RBFOX1: variants seen among roughly 807,000 people sequenced by gnomAD.
RBFOX1 encodes the protein RNA binding protein fox-1 homolog 1.
RBFOX1 carries 8 observed loss-of-function variants against 57.7 expected under a neutral mutation model. The ratio of observed to expected loss-of-function variants is 0.14; its 90% confidence interval spans 0.08 to 0.25. The LOEUF (loss-of-function observed/expected upper bound fraction) is 0.25. Among genes scored for constraint, RBFOX1 ranks in the 10% least tolerant of loss-of-function variants. The pLI, the probability that RBFOX1 is intolerant of heterozygous loss-of-function variation, is 1.00. For missense variants in RBFOX1, 611 were observed against 548.5 expected (o/e 1.11, Z -1.14); for synonymous variants, 326 against 222.4 (o/e 1.47, Z -4.15).
intron 4 of RBFOX1, among the ~76,000 whole-genome samples, chr16:7,424,734 G>C (rs1163617024): frequency 6.6e-6 from 1 of 152,062 alleles, no homozygotes; most frequent in Admixed American, 6.5e-5. Flanking sequence ...TGACAGTTTG[G>C]GATCATAGTA....
intron 1 of RBFOX1, among the ~76,000 whole-genome samples, 179 bp downstream of exon 1, chr16:6,020,171 C>G (rs922067938): frequency 3.9e-5 from 6 of 151,972 alleles, no homozygotes; most frequent in Admixed American, 2.0e-4. Flanking sequence ...CGTGTCCCCC[C>G]CTACCCCCAG....
At chr16:5,720,807 A>C (rs74330235) in intron 3 of RBFOX1, among the ~76,000 whole-genome samples, 2,667 of 152,332 alleles carry the variant, frequency 0.018, 91 homozygotes, top group African/African-American at 0.06. Context: ...TTCTTAGGCT[A>C]GTACCATACT....
intron 3 of RBFOX1, among the ~76,000 whole-genome samples, chr16:5,702,984 A>G (rs954641188): frequency 1.7e-4 from 26 of 152,324 alleles, no homozygotes; most frequent in Admixed American, 1.2e-3. Context: ...CATGTACATC[A>G]TGATGTCTCT....
At chr16:6,973,632 AT>A (rs528444771) in intron 3 of RBFOX1, among the ~76,000 whole-genome samples, 1 of 151,968 alleles carries the variant, frequency 6.6e-6, no homozygotes. Flanking sequence ...TCAAAGAAAC[AT>A]TTTTTTTAAA....
chr16:6,239,563 A>G (rs1598700051), intron 1 of RBFOX1, among the ~76,000 whole-genome samples: 1 of 127,282 alleles, frequency 7.9e-6, no homozygotes, highest in East Asian at 2.7e-4. Flanking sequence ...CAGTGGCACA[A>G]CCTCGGCTTA....
At chr16:7,473,180 AC>A (rs767856752) in intron 4 of RBFOX1, among the ~76,000 whole-genome samples, 38 of 152,140 alleles carry the variant, frequency 2.5e-4, no homozygotes, top group Admixed American at 2.6e-4. Flanking sequence ...GGAGTTTGAG[AC>A]CAGCCTGGGA....
At chr16:5,406,990 C>T (rs529341641) in intron 1 of RBFOX1, among the ~76,000 whole-genome samples, 1 of 152,168 alleles carries the variant, frequency 6.6e-6, no homozygotes, top group African/African-American at 2.4e-5. Flanking sequence ...CACTTTCACA[C>T]TGCTATATAA....
rs142956317 is a variant in RBFOX1 at position 6,475,048 on chromosome 16, C to T, written c.-64+157991C>T. 1.2e-3 allele frequency among the ~76,000 whole-genome samples: 188 copies of T among 152,218 alleles called. 1 individual carries two copies. Among genetic ancestry groups the T allele is most frequent in the African/African-American group, 4.3e-3 (178 of 41,542 alleles). ...TGAAGGCAGCTTATACAGTAACATC[C>T]CAATTGTGTGCTTATAATGTTTTAG... is the stretch of plus-strand genomic sequence containing the variant. On this transcript the variant is annotated intron_variant, in intron 2 of 15. Transcript: ENST00000550418.
intron 1 of RBFOX1, among the ~76,000 whole-genome samples, chr16:6,206,172 C>T (rs1034831989): frequency 5.3e-4 from 80 of 152,150 alleles, no homozygotes; most frequent in Non-Finnish European, 1.8e-4. Context: ...AGCCTCCTCT[C>T]TTGCCTCTCT....
chr16:7,270,802 A>G lies in RBFOX1; in HGVS notation c.27+218704A>G, dbSNP rs976605370. ...TGGCTAGCTCTCTTCTTCCTTCCCTATCAACTTTCCCCGCTTTCTCCCTTT... is the reference window on the plus strand; with the variant it reads ...TGGCTAGCTCTCTTCTTCCTTCCCTGTCAACTTTCCCCGCTTTCTCCCTTT... On this transcript the variant is annotated intron_variant, in intron 4 of 15. Transcript: ENST00000550418. 2.6e-5 allele frequency among the ~76,000 whole-genome samples: 4 copies of G among 152,104 alleles called. No homozygotes were observed. In the East Asian group the frequency reaches 5.8e-4, roughly 22 times the overall value.
intron 2 of RBFOX1, among the ~76,000 whole-genome samples, chr16:6,453,077 G>C (rs374284307): frequency 1.1e-4 from 17 of 152,210 alleles, no homozygotes; most frequent in Middle Eastern, 3.4e-3. Flanking sequence ...CTACTCTAAA[G>C]TGGGGCACAA....
At chr16:6,656,990 C>G (rs1603067068) in intron 3 of RBFOX1, among the ~76,000 whole-genome samples, 2 of 118,468 alleles carry the variant, frequency 1.7e-5, no homozygotes, top group Non-Finnish European at 3.5e-5. Flanking sequence ...TTCCTCTCCT[C>G]TCCTCCCCTT....
intron 2 of RBFOX1, among the ~76,000 whole-genome samples, chr16:6,376,228 G>C (rs959544535): frequency 6.6e-6 from 1 of 152,082 alleles, no homozygotes; most frequent in Non-Finnish European, 1.5e-5. Flanking sequence ...TGTCATTTAT[G>C]TTCCTGCTTA....
intron 1 of RBFOX1, among the ~76,000 whole-genome samples, chr16:6,256,189 A>ATATATATATACG (rs1262901894): frequency 8.8e-5 from 2 of 22,610 alleles, no homozygotes; most frequent in African/African-American, 1.9e-4. Context: ...ATATATACGT[A>ATATATATATACG]TATATATGTA....
chr16:6,062,134 G>A (rs775483563), intron 1 of RBFOX1, among the ~76,000 whole-genome samples: 27 of 152,278 alleles, frequency 1.8e-4, no homozygotes, highest in African/African-American at 5.8e-4. Context: ...GTGGATAGGC[G>A]TGCAGAGCTT....
chr16:6,650,091 C>G (rs1262658615), intron 2 of RBFOX1, among the ~76,000 whole-genome samples: 1 of 152,054 alleles, frequency 6.6e-6, no homozygotes, highest in Admixed American at 6.6e-5. Context: ...ATGCAGTAGT[C>G]GGATTGCTGG....
chr16:7,311,167 G>C (rs2096297613), intron 4 of RBFOX1, among the ~76,000 whole-genome samples: 1 of 152,180 alleles, frequency 6.6e-6, no homozygotes, highest in South Asian at 2.1e-4. Context: ...GGAGGGCTTT[G>C]AGATGATGGA....
In RBFOX1 at chr16:7,679,277, T is replaced by C. The variant is rs185663546; in HGVS notation, c.995+2439T>C. On this transcript the variant is annotated intron_variant, in intron 14 of 15. Coordinates refer to ENST00000550418, the MANE Select transcript of RBFOX1 (RefSeq NM_018723.4). ...TATCAGAATAGCTTTTGAATCTAGA[T>C]TAAAGATGCCAAGTACCTATAATTT... Among the ~76,000 whole-genome samples, 3 of 152,308 alleles carry C rather than the reference T, an allele frequency of 2.0e-5. 1 individual carries two copies. Among genetic ancestry groups the C allele is most frequent in the African/African-American group, 7.2e-5 (3 of 41,568 alleles).
chr16:6,247,143 G>C (rs1434189667), intron 1 of RBFOX1, among the ~76,000 whole-genome samples: 1 of 152,168 alleles, frequency 6.6e-6, no homozygotes, highest in Non-Finnish European at 1.5e-5. Flanking sequence ...GTTTAGATCA[G>C]AAATGATATA....
Sources: allele counts gnomAD v4.1 joint callset (sites outside exome capture counted in the v4.1 genomes callset), GRCh38; gene constraint gnomAD v4.1.1; transcripts MANE v1.5; gene names NCBI Gene and HGNC (gene_info 2026-07-23, HGNC 2026-07-21).